Variants in GRIK2 observed in about 807,000 individuals in gnomAD.
The protein encoded by GRIK2 is glutamate ionotropic receptor kainate type subunit 2.
GRIK2 carries 32 observed loss-of-function variants against 100.3 expected under a neutral mutation model. The observed-to-expected ratio is 0.32, with a 90% CI of 0.24 to 0.43. GRIK2 has a LOEUF of 0.43. Among genes scored for constraint, GRIK2 ranks in the 20% least tolerant of loss-of-function variants. The pLI, the probability that GRIK2 is intolerant of heterozygous loss-of-function variation, is 1.00. For missense variants in GRIK2, 843 were observed against 1,114.9 expected, an observed-to-expected ratio of 0.76 and a Z score of 3.47; for synonymous variants, 417 against 389.4, an observed-to-expected ratio of 1.07 and a Z score of -0.83.
At chr6:101,471,267 G>A (rs1476263301) in intron 2 of GRIK2, among the ~76,000 whole-genome samples, 2 of 151,856 alleles carry the variant, frequency 1.3e-5, no homozygotes, top group East Asian at 1.9e-4. Flanking sequence ...TAGATTAAAC[G>A]ATCTCTCATA....
At chr6:101,429,593 C>A (rs180755285) in intron 2 of GRIK2, among the ~76,000 whole-genome samples, 11 of 152,006 alleles carry the variant, frequency 7.2e-5, no homozygotes, top group Admixed American at 6.5e-4. Flanking sequence ...TGGAAAAGTT[C>A]TTGGTAAGGA....
chr6:101,627,339 A>G (rs975887272), intron 4 of GRIK2, among the ~76,000 whole-genome samples: 2 of 152,036 alleles, frequency 1.3e-5, no homozygotes, highest in African/African-American at 2.4e-5. Flanking sequence ...TCAGGGTTTC[A>G]TCATGTTGGC....
intron 4 of GRIK2, among the ~76,000 whole-genome samples, chr6:101,641,534 T>A (rs1442320976): frequency 1.3e-5 from 2 of 151,808 alleles, no homozygotes; most frequent in Non-Finnish European, 2.9e-5. Flanking sequence ...AATGATGAGC[T>A]TTTTTTTCTT....
chr6:102,051,933 C>T (rs1771220438), intron 15 of GRIK2, among the ~76,000 whole-genome samples: 1 of 152,180 alleles, frequency 6.6e-6, no homozygotes, highest in Admixed American at 6.5e-5. Context: ...TGACATTCAG[C>T]AACATCAGTT....
chr6:101,547,828 T>C (rs1776320108), intron 2 of GRIK2, among the ~76,000 whole-genome samples: 3 of 151,884 alleles, frequency 2.0e-5, no homozygotes, highest in South Asian at 4.2e-4. Flanking sequence ...CCTTTGGGTA[T>C]ATACCCAGTA....
intron 11 of GRIK2, among the ~76,000 whole-genome samples, chr6:101,869,056 G>GA (rs893997376): frequency 2.0e-5 from 3 of 151,726 alleles, no homozygotes; most frequent in African/African-American, 7.3e-5. Context: ...CTTGAATTAT[G>GA]AAAAAAATGA....
At chr6:101,643,433 A>G (rs982249142) in intron 4 of GRIK2, among the ~76,000 whole-genome samples, 14 of 151,526 alleles carry the variant, frequency 9.2e-5, no homozygotes, top group African/African-American at 2.7e-4. Context: ...ATTCTTTTGT[A>G]TGTGGATATC....
At chr6:101,453,749 C>G (rs1387728361) in intron 2 of GRIK2, among the ~76,000 whole-genome samples, 2 of 151,972 alleles carry the variant, frequency 1.3e-5, no homozygotes, top group Non-Finnish European at 2.9e-5. Flanking sequence ...AGTATGTAGA[C>G]TATCAGATTT....
intron 7 of GRIK2, among the ~76,000 whole-genome samples, chr6:101,717,059 A>G (rs759307945): frequency 3.3e-5 from 5 of 151,950 alleles, no homozygotes; most frequent in Non-Finnish European, 5.9e-5. Flanking sequence ...TTAGCAAATT[A>G]GCACTTTACT....
intron 14 of GRIK2, among the ~76,000 whole-genome samples, chr6:102,011,991 T>C (rs1795569196): frequency 6.6e-6 from 1 of 152,210 alleles, no homozygotes; most frequent in Non-Finnish European, 1.5e-5. Context: ...CTATAATTTG[T>C]ATAGGTTAGT....
chr6:101,768,008 G>C (rs772508902), intron 7 of GRIK2, among the ~76,000 whole-genome samples: 52 of 151,950 alleles, frequency 3.4e-4, no homozygotes, highest in Non-Finnish European at 6.9e-4. Context: ...ACAGGCATGC[G>C]CTACCATGCC....
At chr6:101,472,125 T>TA (rs1367581021) in intron 2 of GRIK2, among the ~76,000 whole-genome samples, 1 of 151,914 alleles carries the variant, frequency 6.6e-6, no homozygotes. Flanking sequence ...ATAATTTATC[T>TA]AAAAAACGTG....
At chr6:102,025,308 G>A (rs754020044) in intron 14 of GRIK2, among the ~76,000 whole-genome samples, 3 of 151,062 alleles carry the variant, frequency 2.0e-5, no homozygotes, top group Non-Finnish European at 3.0e-5. Flanking sequence ...CATTAATGGA[G>A]GTTTTCTTCT....
chr6:101,786,672 T>A (rs891703730), intron 7 of GRIK2, among the ~76,000 whole-genome samples: 1 of 152,140 alleles, frequency 6.6e-6, no homozygotes, highest in Non-Finnish European at 1.5e-5. Flanking sequence ...CTTTTGGATG[T>A]TCTGTTGAAT....
At chr6:101,912,818 T>A (rs1024063368) in intron 12 of GRIK2, among the ~76,000 whole-genome samples, 25 of 151,734 alleles carry the variant, frequency 1.6e-4, no homozygotes, top group African/African-American at 5.3e-4. Context: ...TATGAGGTAG[T>A]GTTTACAAAC....
chr6:101,534,218 A>G (rs1775581399), intron 2 of GRIK2, among the ~76,000 whole-genome samples: 1 of 151,768 alleles, frequency 6.6e-6, no homozygotes, highest in Non-Finnish European at 1.5e-5. Context: ...GCAACTATGC[A>G]TCTCCTATTA....
chr6:101,602,853 G>C (rs1458824173), intron 2 of GRIK2, among the ~76,000 whole-genome samples: 1 of 151,704 alleles, frequency 6.6e-6, no homozygotes, highest in Non-Finnish European at 1.5e-5. Flanking sequence ...ATAATATGGA[G>C]TCAACTTTTA....
intron 15 of GRIK2, among the ~76,000 whole-genome samples, chr6:102,045,509 G>T (rs991187842): frequency 6.6e-6 from 1 of 152,008 alleles, no homozygotes; most frequent in Non-Finnish European, 1.5e-5. Context: ...AAGATATCAG[G>T]ACCATGGAAG....
intron 4 of GRIK2, among the ~76,000 whole-genome samples, chr6:101,665,032 C>T (rs150917310): frequency 7.9e-5 from 12 of 152,282 alleles, no homozygotes; most frequent in Admixed American, 3.3e-4. Context: ...ATGAGATTTG[C>T]GTGGGGACAC....
Sources: gnomAD v4.1 joint callset for allele counts (sites outside exome capture counted in the v4.1 genomes callset) on GRCh38, gnomAD v4.1.1 for gene constraint, MANE v1.5 for transcripts, NCBI Gene and HGNC (gene_info 2026-07-23, HGNC 2026-07-21) for gene names.